The following ZNF385D variants were observed in gnomAD, a reference collection of about 807,000 sequenced individuals.
ZNF385D encodes the protein zinc finger protein 659.
In ZNF385D, 15 loss-of-function variants were observed where a neutral mutation model predicts 35.8. The observed-to-expected ratio is 0.42, with a 90% CI of 0.28 to 0.64. The LOEUF (loss-of-function observed/expected upper bound fraction) is 0.64. ZNF385D is among the 30% of genes least tolerant of loss of function. The probability of loss-of-function intolerance (pLI) is 0.23; values close to 1 mark genes in which losing one functional copy is unlikely to be tolerated. For missense variants in ZNF385D, 474 were observed against 494.6 expected, an observed-to-expected ratio of 0.96 and a Z score of 0.39; for synonymous variants, 212 against 186.8, an observed-to-expected ratio of 1.13 and a Z score of -1.10.
At chr3:22,209,850 G>A (rs1392980425) in intron 2 of ZNF385D, among the ~76,000 whole-genome samples, 2 of 151,656 alleles carry the variant, frequency 1.3e-5, no homozygotes, top group Non-Finnish European at 2.9e-5. Flanking sequence ...TAAGCTAACT[G>A]TATATTCAGC....
chr3:22,323,067 G>A (rs933269088), intron 2 of ZNF385D, among the ~76,000 whole-genome samples: 7 of 152,024 alleles, frequency 4.6e-5, no homozygotes, highest in South Asian at 2.1e-4. Context: ...CAGGAAATGC[G>A]TAAAAGTCCT....
intron 2 of ZNF385D, among the ~76,000 whole-genome samples, chr3:22,251,050 T>C (rs1700036873): frequency 6.6e-6 from 1 of 152,064 alleles, no homozygotes; most frequent in Non-Finnish European, 1.5e-5. Flanking sequence ...AAAAACATCA[T>C]GCCTGAAAAA....
At chr3:21,940,488 T>G (rs1458752614) in intron 3 of ZNF385D, among the ~76,000 whole-genome samples, 5 of 152,216 alleles carry the variant, frequency 3.3e-5, no homozygotes, top group Admixed American at 2.6e-4. Context: ...CTGGGTATTA[T>G]CAGTTCGTTC....
In ZNF385D at chr3:21,414,258, A is replaced by G. The variant is rs1700532155; in HGVS notation, c.*6956T>C. The G allele has an allele frequency of 6.6e-6, 1 of 152,084 alleles. No homozygotes were observed. Among genetic ancestry groups the G allele is most frequent in the Non-Finnish European group, 1.5e-5 (1 of 67,978 alleles). The allele number at this position is 152,084 out of a possible 1,614,324, so 9.4% of individuals were successfully genotyped here. A position where few individuals can be genotyped will look rare whatever the true frequency, so the allele number is the denominator to read the frequency against. On this transcript the variant is annotated 3_prime_UTR_variant, in exon 8 of 8. Coordinates refer to ENST00000281523, the MANE Select transcript of ZNF385D (RefSeq NM_024697.3). The stretch of plus-strand genomic sequence containing the variant: ...TTAGGAGACCTTAGTTGAAACTGAC[A>G]TAAGATTTTTGCTGATAAAATAAAT...
rs562697498 is a variant in ZNF385D, at chr3:22,200,424, G to C, written c.107-31389C>G. ...AGTTTTTATTAGGGAGTTTCAAAAG[G>C]GGAGGGAGTATACAAATAGGGTGTG... On this transcript the variant is annotated intron_variant, in intron 2 of 5. Transcript: ENST00000494108. Among the ~76,000 whole-genome samples, 3 of 152,152 alleles carry C rather than the reference G, an allele frequency of 2.0e-5. No individual in the cohort carries two copies. The South Asian group carries it at 6.2e-4, about 32-fold the overall frequency.
intron 3 of ZNF385D, among the ~76,000 whole-genome samples, chr3:21,885,236 G>A (rs762749066): frequency 3.6e-4 from 55 of 151,994 alleles, no homozygotes; most frequent in Non-Finnish European, 5.9e-4. Flanking sequence ...ATTCAGTGAA[G>A]TTAAATGAAG....
chr3:21,634,214 G>GAGAGAA (rs1221353414), intron 2 of ZNF385D, among the ~76,000 whole-genome samples: 1 of 150,056 alleles, frequency 6.7e-6, no homozygotes, highest in African/African-American at 2.5e-5. Context: ...TAGAAAGAAA[G>GAGAGAA]AGAGAAAGAG....
At chr3:21,448,949 G>T (rs952555216) in intron 4 of ZNF385D, among the ~76,000 whole-genome samples, 1 of 151,868 alleles carries the variant, frequency 6.6e-6, no homozygotes, top group South Asian at 2.1e-4. Context: ...TCATCAAAGC[G>T]CTAATTTAAA....
At chr3:21,790,542 A>G (rs1382157323) in intron 3 of ZNF385D, among the ~76,000 whole-genome samples, 4 of 152,182 alleles carry the variant, frequency 2.6e-5, no homozygotes, top group African/African-American at 9.7e-5. Flanking sequence ...TAAAGAGAAG[A>G]AAATGTCATT....
intron 3 of ZNF385D, among the ~76,000 whole-genome samples, chr3:21,782,295 T>G (rs2071521346): frequency 6.6e-6 from 1 of 152,064 alleles, no homozygotes; most frequent in Admixed American, 6.5e-5. Context: ...CTTCATGAGG[T>G]ATCAACATAA....
intron 1 of ZNF385D, among the ~76,000 whole-genome samples, chr3:21,680,309 A>G (rs1355596031): frequency 6.6e-6 from 1 of 152,182 alleles, no homozygotes; most frequent in Non-Finnish European, 1.5e-5. Context: ...AAAGCAAGGT[A>G]AAGCAATAGT....
intron 3 of ZNF385D, among the ~76,000 whole-genome samples, chr3:22,100,036 A>T (rs1402463847): frequency 2.0e-5 from 3 of 151,998 alleles, no homozygotes; most frequent in South Asian, 2.1e-4. Context: ...ATGAACAGAC[A>T]CTTCTCAAAA....
At chr3:21,944,928 C>T (rs1701701311) in intron 3 of ZNF385D, among the ~76,000 whole-genome samples, 1 of 151,998 alleles carries the variant, frequency 6.6e-6, no homozygotes, top group African/African-American at 2.4e-5. Flanking sequence ...TTGAGTACTT[C>T]TTAATGAGTT....
At chr3:21,601,530 T>TAA (rs906307643) in intron 2 of ZNF385D, among the ~76,000 whole-genome samples, 3 of 152,210 alleles carry the variant, frequency 2.0e-5, no homozygotes, top group African/African-American at 7.2e-5. Flanking sequence ...CCTTTGCTAA[T>TAA]AAAAGTCTAA....
intron 3 of ZNF385D, among the ~76,000 whole-genome samples, chr3:21,553,315 CAT>C (rs1206363666): frequency 1.3e-5 from 2 of 152,116 alleles, no homozygotes; most frequent in Admixed American, 6.6e-5. Flanking sequence ...TAATGTTAGT[CAT>C]GTGAATTTTC....
chr3:22,328,362 T>C (rs2125456072), intron 2 of ZNF385D, among the ~76,000 whole-genome samples: 1 of 152,302 alleles, frequency 6.6e-6, no homozygotes, highest in Non-Finnish European at 1.5e-5. Flanking sequence ...AAATTTAACA[T>C]AATTTAATGA....
chr3:22,333,053 G>A (rs1388556617), intron 2 of ZNF385D, among the ~76,000 whole-genome samples: 1 of 151,960 alleles, frequency 6.6e-6, no homozygotes, highest in African/African-American at 2.4e-5. Context: ...TTTACCTTAA[G>A]TCCTGAATAT....
upstream of ZNF385D, among the ~76,000 whole-genome samples, chr3:21,753,521 T>C (rs1307715514): frequency 6.6e-6 from 1 of 152,148 alleles, no homozygotes; most frequent in Non-Finnish European, 1.5e-5. Context: ...CAGAAACAAT[T>C]GAGTGTAATA....
chr3:22,341,146 T>C (rs1316024956), intron 2 of ZNF385D, among the ~76,000 whole-genome samples: 1 of 152,242 alleles, frequency 6.6e-6, no homozygotes, highest in African/African-American at 2.4e-5. Context: ...ATTTTCCTTG[T>C]ACTTCTGCTA....
Sources: gnomAD v4.1 joint callset for allele counts (sites outside exome capture counted in the v4.1 genomes callset) on GRCh38, gnomAD v4.1.1 for gene constraint, MANE v1.5 for transcripts, NCBI Gene and HGNC (gene_info 2026-07-23, HGNC 2026-07-21) for gene names.